The following TMEM132D variants were observed in gnomAD, a reference collection of about 807,000 sequenced individuals.
The protein encoded by TMEM132D is mature OL transmembrane protein.
In TMEM132D, 21 loss-of-function variants were observed where a neutral mutation model predicts 62.3. The ratio of observed to expected loss-of-function variants is 0.34; its 90% CI spans 0.24 to 0.49. The LOEUF is 0.49. Among genes scored for constraint, TMEM132D ranks in the 20% least tolerant of loss-of-function variants. TMEM132D has a pLI of 0.99. For missense variants in TMEM132D, 1,346 were observed against 1,402.8 expected (o/e 0.96, Z 0.65); for synonymous variants, 621 against 575.6 (o/e 1.08, Z -1.13).
intron 2 of TMEM132D, among the ~76,000 whole-genome samples, chr12:129,694,459 A>G (rs1045816043): frequency 1.3e-5 from 2 of 152,210 alleles, no homozygotes; most frequent in African/African-American, 4.8e-5. Flanking sequence ...GAAGGACTCT[A>G]TTTCCATGTT....
Position 129,356,283 on chromosome 12 carries a change from A to C in TMEM132D, c.1116-18466T>G, listed in dbSNP as rs1181641119. Among the ~76,000 whole-genome samples, 2 of 62,916 alleles carry C rather than the reference A, an allele frequency of 3.2e-5. 1 individual carries two copies. Among genetic ancestry groups the C allele is most frequent in the Non-Finnish European group, 6.3e-5 (2 of 31,890 alleles). The allele number at this position is 62,916 out of a possible 152,430, so 41.3% of individuals were successfully genotyped here. A position where few individuals can be genotyped will look rare whatever the true frequency, so the allele number is the denominator to read the frequency against. Reference sequence around the variant, plus strand: ...GCCATTCTCCTGCCTCAGCCTCCCAAGTAGCTGGGACTACAGGCGCCCGCC... The same window carrying C: ...GCCATTCTCCTGCCTCAGCCTCCCACGTAGCTGGGACTACAGGCGCCCGCC... On this transcript the variant is annotated intron_variant, in intron 3 of 8. Transcript: ENST00000422113.
At chr12:129,315,925 C>T (rs188886471) in intron 4 of TMEM132D, among the ~76,000 whole-genome samples, 1 of 152,160 alleles carries the variant, frequency 6.6e-6, no homozygotes, top group Non-Finnish European at 1.5e-5. Flanking sequence ...AGCTTATGTG[C>T]GTAAAGGTGT....
rs182862658 is a variant in TMEM132D, at chr12:129,369,902, G to A, written c.1116-32085C>T. Among the ~76,000 whole-genome samples, 417 of 152,278 alleles carry A rather than the reference G, an allele frequency of 2.7e-3. 1 individual carries two copies. Among genetic ancestry groups the A allele is most frequent in the South Asian group, 2.9e-3 (14 of 4,816 alleles). On this transcript the variant is annotated intron_variant, in intron 3 of 8. Transcript: ENST00000422113. ...GTCACACATATAAGGATATGGTACCGGGGAAGGGATCTCAAATTCAAATGC... is the reference window on the plus strand; with the variant it reads ...GTCACACATATAAGGATATGGTACCAGGGAAGGGATCTCAAATTCAAATGC...
chr12:129,569,845 A>T (rs1486902250), intron 2 of TMEM132D, among the ~76,000 whole-genome samples: 1 of 152,142 alleles, frequency 6.6e-6, no homozygotes, highest in Non-Finnish European at 1.5e-5. Flanking sequence ...AAAGGAGGAA[A>T]GTTTTAATTT....
chr12:129,310,596 T>C (rs1328033583), intron 4 of TMEM132D, among the ~76,000 whole-genome samples: 1 of 152,184 alleles, frequency 6.6e-6, no homozygotes, highest in Non-Finnish European at 1.5e-5. Context: ...TGAAATGCTT[T>C]AACAAAGATT....
rs190281428 is a variant in TMEM132D, at chr12:129,261,052, G to T, written c.1300-51389C>A. On this transcript the variant is annotated intron_variant, in intron 4 of 8. Transcript: ENST00000422113. ...CAAGAGTGGGATTGCTGGATCAAAT[G>T]GTAGGTCTACTTTTAGTTCTTTAAG... 3.9e-5 allele frequency among the ~76,000 whole-genome samples: 6 copies of T among 152,280 alleles called. No individual in the cohort carries two copies. In the East Asian group the frequency reaches 1.2e-3, roughly 29 times the overall value.
At chr12:129,145,660 C>T (rs756262460) in intron 5 of TMEM132D, among the ~76,000 whole-genome samples, 1 of 152,152 alleles carries the variant, frequency 6.6e-6, no homozygotes, top group Non-Finnish European at 1.5e-5. Flanking sequence ...TAAAGACATT[C>T]GTTTCCAAAT....
chr12:129,811,724 G>A (rs1380649593), intron 1 of TMEM132D, among the ~76,000 whole-genome samples: 1 of 151,794 alleles, frequency 6.6e-6, no homozygotes, highest in African/African-American at 2.4e-5. Flanking sequence ...AGGAGAAGAC[G>A]CCAGACAGAT....
intron 1 of TMEM132D, among the ~76,000 whole-genome samples, chr12:129,715,279 C>A (rs781580880): frequency 8.6e-5 from 13 of 152,040 alleles, no homozygotes; most frequent in Non-Finnish European, 1.9e-4. Flanking sequence ...ACAAATCACA[C>A]AACGGAAATG....
At chr12:129,130,899 C>T (rs1285564375) in intron 5 of TMEM132D, among the ~76,000 whole-genome samples, 1 of 152,184 alleles carries the variant, frequency 6.6e-6, no homozygotes, top group African/African-American at 2.4e-5. Context: ...GTGGTTCTCA[C>T]CCATTGGGAT....
At chr12:129,232,840 A>T (rs986814365) in intron 4 of TMEM132D, among the ~76,000 whole-genome samples, 2 of 152,064 alleles carry the variant, frequency 1.3e-5, no homozygotes, top group South Asian at 4.1e-4. Context: ...AGAGAGAGAG[A>T]GAGAGAGAGC....
chr12:129,617,593 G>T (rs1878955803), intron 2 of TMEM132D, among the ~76,000 whole-genome samples: 1 of 152,130 alleles, frequency 6.6e-6, no homozygotes, highest in African/African-American at 2.4e-5. Context: ...GAGCAGCAGT[G>T]CGGTTCTATT....
intron 3 of TMEM132D, among the ~76,000 whole-genome samples, chr12:129,501,989 A>G (rs1431626896): frequency 7.5e-6 from 1 of 133,092 alleles, no homozygotes; most frequent in East Asian, 2.2e-4. Flanking sequence ...CCCATTCCCA[A>G]TTTCTGTGAC....
intron 1 of TMEM132D, among the ~76,000 whole-genome samples, chr12:129,786,936 T>C (rs1871262432): frequency 6.6e-6 from 1 of 151,744 alleles, no homozygotes; most frequent in South Asian, 2.1e-4. Flanking sequence ...AAAGAAAGCA[T>C]GAAGAGAAAC....
chr12:129,854,338 T>C (rs1167281078), intron 1 of TMEM132D, among the ~76,000 whole-genome samples: 1 of 152,114 alleles, frequency 6.6e-6, no homozygotes, highest in Non-Finnish European at 1.5e-5. Flanking sequence ...GAAAAGGAAA[T>C]GTGACACAGG....
At chr12:129,082,604 A>G (rs1057363221) in intron 6 of TMEM132D, among the ~76,000 whole-genome samples, 4 of 152,114 alleles carry the variant, frequency 2.6e-5, no homozygotes, top group South Asian at 2.1e-4. Flanking sequence ...CCTTCCCCAC[A>G]TGAGCCTTGA....
intron 1 of TMEM132D, among the ~76,000 whole-genome samples, chr12:129,808,546 G>T (rs900286524): frequency 6.6e-6 from 1 of 152,196 alleles, no homozygotes; most frequent in Non-Finnish European, 1.5e-5. Flanking sequence ...AAGATACAGT[G>T]AATATCACCT....
At chr12:129,092,537 T>C (rs980164645) in intron 5 of TMEM132D, among the ~76,000 whole-genome samples, 1 of 151,954 alleles carries the variant, frequency 6.6e-6, no homozygotes, top group Non-Finnish European at 1.5e-5. Context: ...CTATTAAAAA[T>C]ACAAAAAAAT....
intron 5 of TMEM132D, among the ~76,000 whole-genome samples, chr12:129,202,721 A>G (rs1447960071): frequency 6.6e-6 from 1 of 152,142 alleles, no homozygotes; most frequent in Non-Finnish European, 1.5e-5. Context: ...GGCCACCTGC[A>G]GAAAGAACCG....
Sources: gnomAD v4.1 joint callset for allele counts (sites outside exome capture counted in the v4.1 genomes callset) on GRCh38, gnomAD v4.1.1 for gene constraint, MANE v1.5 for transcripts, NCBI Gene and HGNC (gene_info 2026-07-23, HGNC 2026-07-21) for gene names.